The following SEMA6A variants were observed in gnomAD, a reference collection of about 807,000 sequenced individuals.
SEMA6A encodes the protein semaphorin-6A.
In SEMA6A, 25 loss-of-function variants were observed where a neutral mutation model predicts 96.8. That is an observed-to-expected ratio of 0.26 (90% CI 0.19 to 0.36). SEMA6A has a LOEUF of 0.36. Ranked by LOEUF, SEMA6A falls within the 10% of genes least tolerant of loss-of-function variation. The probability of loss-of-function intolerance (pLI) is 1.00; values close to 1 mark genes in which losing one functional copy is unlikely to be tolerated. For synonymous variants in SEMA6A, 612 were observed against 518.0 expected (o/e 1.18, Z -2.46); for missense variants, 1,363 against 1,323.1 (o/e 1.03, Z -0.47).
Position 116,444,834 on chromosome 5 carries a change from T to C in SEMA6A, c.*1779A>G, listed in dbSNP as rs1754086729. 1.3e-5 allele frequency: 2 copies of C among 152,418 alleles called. No individual in the cohort carries two copies. The highest frequency in any genetic ancestry group is 1.3e-4 in the Admixed American group (2 of 15,290). 9.4% of individuals were successfully genotyped at this position (152,418 alleles called of 1,614,324 possible). A position where few individuals can be genotyped will look rare whatever the true frequency, so the allele number is the denominator to read the frequency against. On this transcript the variant is annotated 3_prime_UTR_variant, in exon 19 of 19. Coordinates refer to ENST00000343348, the MANE Select transcript of SEMA6A (RefSeq NM_020796.5). ...TGCACGTGTGTGCTGTGCACATGGC[T>C]TGGAGACTCCTCCCAGGTGTCTGCC...
chr5:116,475,249 G>C (rs1756389281), intron 16 of SEMA6A, among the ~76,000 whole-genome samples: 1 of 152,152 alleles, frequency 6.6e-6, no homozygotes, highest in Admixed American at 6.5e-5. Context: ...CTGTCATTTT[G>C]TAATGGAAAT....
intron 1 of SEMA6A, among the ~76,000 whole-genome samples, chr5:116,528,302 TGTGGATTTCTGGAA>T (rs1418578230): frequency 3.3e-5 from 5 of 152,168 alleles, no homozygotes; most frequent in Non-Finnish European, 5.9e-5. Context: ...ACAAATATAA[TGTGGATTTCTGGAA>T]GTGCCCAGTT....
intron 11 of SEMA6A, among the ~76,000 whole-genome samples, chr5:116,480,627 G>T (rs1478748461): frequency 2.0e-5 from 3 of 152,132 alleles, no homozygotes; most frequent in Non-Finnish European, 4.4e-5. Flanking sequence ...ATCCAAAAAG[G>T]CTGCTAGAGA....
intron 1 of SEMA6A, among the ~76,000 whole-genome samples, chr5:116,546,252 TCA>T (rs886205560): frequency 2.6e-5 from 4 of 152,220 alleles, no homozygotes; most frequent in Non-Finnish European, 4.4e-5. Context: ...AGTCACAAGC[TCA>T]GAGTCACAGG....
intron 1 of SEMA6A, among the ~76,000 whole-genome samples, chr5:116,551,464 G>A (rs1380078114): frequency 2.0e-5 from 3 of 152,084 alleles, no homozygotes; most frequent in Non-Finnish European, 2.9e-5. Flanking sequence ...GATGTAATGG[G>A]AACTCAAGGG....
chr5:116,486,692 C>A (rs774671466), intron 10 of SEMA6A, 57 bp downstream of exon 10: 2 of 1,440,888 alleles, frequency 1.4e-6, no homozygotes, highest in Non-Finnish European at 1.9e-6. Flanking sequence ...AGAGAACCCC[C>A]TGGGAGAAGG....
chr5:116,472,932 A>G (rs1756238730), intron 17 of SEMA6A, 141 bp downstream of exon 17: 2 of 1,527,316 alleles, frequency 1.3e-6, no homozygotes, highest in Non-Finnish European at 1.8e-6. Flanking sequence ...AGGAGTTGAA[A>G]TGTCTATAAA....
intron 3 of SEMA6A, chr5:116,499,234 A>T (rs566585994): frequency 3.2e-4 from 48 of 152,330 alleles, no homozygotes; most frequent in African/African-American, 1.1e-3. Flanking sequence ...GCTTTATGGT[A>T]AACCACAGAC....
At chr5:116,545,620 C>G (rs1296768956) in intron 1 of SEMA6A, among the ~76,000 whole-genome samples, 1 of 152,150 alleles carries the variant, frequency 6.6e-6, no homozygotes, top group Non-Finnish European at 1.5e-5. Flanking sequence ...TGGCCGTGTT[C>G]CATCTGCGAG....
At chr5:116,508,115 C>G (rs768693264) in intron 1 of SEMA6A, 2 of 152,076 alleles carry the variant, frequency 1.3e-5, no homozygotes, top group Non-Finnish European at 2.9e-5. Context: ...TGCCATGAGC[C>G]AAATGAACCA....
intron 15 of SEMA6A, among the ~76,000 whole-genome samples, chr5:116,475,811 A>G (rs905139490): frequency 1.3e-5 from 2 of 152,230 alleles, no homozygotes; most frequent in Admixed American, 1.3e-4. Flanking sequence ...CCATGGTTTA[A>G]GCAGTGAATT....
At chr5:116,467,892 G>T in intron 17 of SEMA6A, 145 bp from the exon 18 acceptor site, 1 of 623,080 alleles carries the variant, frequency 1.6e-6, no homozygotes. Flanking sequence ...AGTGGTGGTG[G>T]TGGTGGTGGT....
intron 18 of SEMA6A, among the ~76,000 whole-genome samples, chr5:116,453,010 G>A (rs923864927): frequency 2.6e-5 from 4 of 152,192 alleles, no homozygotes; most frequent in Non-Finnish European, 2.9e-5. Flanking sequence ...CTTCAACAGT[G>A]GGCAAAAGCT....
intron 18 of SEMA6A, among the ~76,000 whole-genome samples, chr5:116,448,196 A>AAAGAAAAT (rs780426357): frequency 7.2e-6 from 1 of 138,638 alleles, no homozygotes; most frequent in African/African-American, 2.8e-5. Context: ...AAAAAAAAAA[A>AAAGAAAAT]TTAGCCAGGC....
chr5:116,457,925 G>A (rs902628282), intron 18 of SEMA6A, among the ~76,000 whole-genome samples: 7 of 152,082 alleles, frequency 4.6e-5, no homozygotes, highest in African/African-American at 9.7e-5. Flanking sequence ...AATGGCATGC[G>A]TGATGTAGTT....
chr5:116,572,085 C>T (rs1580531663), intron 1 of SEMA6A, among the ~76,000 whole-genome samples: 1 of 152,320 alleles, frequency 6.6e-6, no homozygotes, highest in South Asian at 2.1e-4. Flanking sequence ...GGCACTCGAC[C>T]TTCCCATCCT....
intron 15 of SEMA6A, 96 bp from the exon 16 acceptor site, chr5:116,475,699 T>G: frequency 1.2e-6 from 1 of 818,318 alleles, no homozygotes. Flanking sequence ...TAACACAGTT[T>G]GATAAATTGA....
intron 3 of SEMA6A, among the ~76,000 whole-genome samples, chr5:116,500,024 T>C (rs1757796398): frequency 6.6e-6 from 1 of 152,230 alleles, no homozygotes; most frequent in Non-Finnish European, 1.5e-5. Flanking sequence ...TTCAATGTTT[T>C]ATCATTTGTT....
chr5:116,488,204 C>A lies in SEMA6A; in HGVS notation c.656-8G>T. 6.4e-7 allele frequency: 1 copy of A among 1,574,208 alleles called. No homozygotes were observed. The highest frequency in any genetic ancestry group is 8.7e-7 in the Non-Finnish European group (1 of 1,147,908). The stretch of plus-strand genomic sequence containing the variant: ...CTTGAACAAAGTATGGTTCTGTAGA[C>A]AAACAGGCACTTTAATTGGGAACAT... On this transcript the variant is annotated splice_polypyrimidine_tract_variant and splice_region_variant and intron_variant, in intron 8 of 18. Transcript: ENST00000343348.
Sources: allele counts gnomAD v4.1 joint callset (sites outside exome capture counted in the v4.1 genomes callset), GRCh38; gene constraint gnomAD v4.1.1; transcripts MANE v1.5; gene names NCBI Gene and HGNC (gene_info 2026-07-23, HGNC 2026-07-21).